The following FTCDNL1 variants were observed in gnomAD, a reference collection of about 807,000 sequenced individuals.
FTCDNL1 encodes formiminotransferase N-terminal subdomain-containing protein.
In FTCDNL1, 11 loss-of-function variants were observed where a neutral mutation model predicts 5.9. The ratio of observed to expected loss-of-function variants is 1.87; its 90% CI spans 1.18 to 3.10. The LOEUF is 3.10. Among genes scored for constraint, FTCDNL1 ranks in the 30% most tolerant of loss-of-function variants. The pLI is 0.00. For synonymous variants in FTCDNL1, 58 were observed against 24.8 expected (o/e 2.34, Z -3.99); for missense variants, 115 against 65.5 (o/e 1.76, Z -2.61).
rs1568746 is a variant in FTCDNL1, at chr2:199,809,434, G to A, written c.*3271C>T. Among the ~76,000 whole-genome samples the A allele has an allele frequency of 1.3e-4, 20 of 151,656 alleles. No individual in the cohort carries two copies. Among genetic ancestry groups the A allele is most frequent in the Admixed American group, 8.5e-4 (13 of 15,224 alleles). On this transcript the variant is annotated 3_prime_UTR_variant, in exon 5 of 5. Transcript: ENST00000420128. ...TCCTTAAAATAAATTCACATTTTGC[G>A]CTCTTATTAAAGAAGATCACAGTCT...
At chr2:199,817,427 G>A (rs578036787) in intron 4 of FTCDNL1, among the ~76,000 whole-genome samples, 4 of 152,266 alleles carry the variant, frequency 2.6e-5, no homozygotes, top group Non-Finnish European at 4.4e-5. Context: ...GTTTTAACGT[G>A]GGATTTGCAG....
chr2:199,831,247 C>A (rs868730720), intron 3 of FTCDNL1, among the ~76,000 whole-genome samples: 1 of 152,148 alleles, frequency 6.6e-6, no homozygotes, highest in South Asian at 2.1e-4. Context: ...AGGATAAGCA[C>A]TTAATTGATT....
At chr2:199,683,206 G>A in the FTCDNL1 span, among the ~76,000 whole-genome samples, 5 of 151,988 alleles carry the variant, frequency 3.3e-5, no homozygotes, top group Non-Finnish European at 5.9e-5. Context: ...CAGCAATAGC[G>A]AGCCATTCCA....
chr2:199,847,081 C>T (rs909549955), intron 2 of FTCDNL1, among the ~76,000 whole-genome samples: 49 of 152,232 alleles, frequency 3.2e-4, no homozygotes, highest in African/African-American at 1.2e-3. Context: ...AGAAGATAAA[C>T]ATATGTCACT....
chr2:199,806,638 C>T (rs187320538), downstream of FTCDNL1, among the ~76,000 whole-genome samples: 167 of 152,220 alleles, frequency 1.1e-3, no homozygotes, highest in Non-Finnish European at 1.9e-3. Flanking sequence ...AAAATATTAC[C>T]TCCCTTTTGT....
chr2:199,731,654 C>T, the FTCDNL1 span, among the ~76,000 whole-genome samples: 3 of 152,046 alleles, frequency 2.0e-5, no homozygotes, highest in Non-Finnish European at 4.4e-5. Flanking sequence ...TTTGGGAGGC[C>T]GAGGCGGGCG....
chr2:199,699,421 T>C, the FTCDNL1 span, among the ~76,000 whole-genome samples: 1 of 151,888 alleles, frequency 6.6e-6, no homozygotes, highest in Non-Finnish European at 1.5e-5. Context: ...ACCACTGCAC[T>C]CCAGCGTGGG....
chr2:199,731,319 C>T, the FTCDNL1 span, among the ~76,000 whole-genome samples: 1 of 152,114 alleles, frequency 6.6e-6, no homozygotes, highest in African/African-American at 2.4e-5. Context: ...ATGTAACAAA[C>T]CTGTACATTC....
chr2:199,719,622 G>GT, the FTCDNL1 span, among the ~76,000 whole-genome samples: 5 of 145,652 alleles, frequency 3.4e-5, no homozygotes, highest in Non-Finnish European at 7.5e-5. Flanking sequence ...TAGTATGTTT[G>GT]TTTTTTTGTT....
At chr2:199,841,705 C>A (rs769964) in intron 3 of FTCDNL1, among the ~76,000 whole-genome samples, 5 of 152,080 alleles carry the variant, frequency 3.3e-5, no homozygotes, top group Admixed American at 3.3e-4. Context: ...CTTTCTTCTG[C>A]CATTTTAAGT....
chr2:199,736,521 T>C, the FTCDNL1 span, among the ~76,000 whole-genome samples: 2 of 152,314 alleles, frequency 1.3e-5, no homozygotes, highest in African/African-American at 4.8e-5. Flanking sequence ...CCCTTAAAGG[T>C]AGAAATAACA....
the FTCDNL1 span, among the ~76,000 whole-genome samples, chr2:199,733,363 A>G: frequency 0.28 from 42,240 of 152,150 alleles, 7,500 homozygotes; most frequent in African/African-American, 0.49. Flanking sequence ...GACAGAGGCT[A>G]GTAATGGTGC....
the FTCDNL1 span, among the ~76,000 whole-genome samples, chr2:199,697,041 G>C: frequency 6.6e-6 from 1 of 152,304 alleles, no homozygotes; most frequent in East Asian, 1.9e-4. Context: ...GGGAGGCCAA[G>C]GCGGGTGGAT....
In FTCDNL1 at chr2:199,812,134, T is replaced by C. The variant is rs1344164632; in HGVS notation, c.*571A>G. On this transcript the variant is annotated 3_prime_UTR_variant, in exon 5 of 5. Coordinates refer to ENST00000420128, the MANE Select transcript of FTCDNL1 (RefSeq NM_001363886.2). ...GCTTTAGTTACACAATATTTTTGTT[T>C]TATTACTATTTCTTATTCAAGTAGT... 3.9e-5 allele frequency among the ~76,000 whole-genome samples: 6 copies of C among 152,228 alleles called. No homozygotes were observed. Among genetic ancestry groups the C allele is most frequent in the Non-Finnish European group, 7.3e-5 (5 of 68,042 alleles).
chr2:199,825,869 C>A (rs975940232), intron 3 of FTCDNL1, among the ~76,000 whole-genome samples: 5 of 152,280 alleles, frequency 3.3e-5, no homozygotes, highest in African/African-American at 1.2e-4. Context: ...GCTAAATTCT[C>A]CCCTCAAATC....
At chr2:199,740,058 A>C in the FTCDNL1 span, among the ~76,000 whole-genome samples, 1 of 152,156 alleles carries the variant, frequency 6.6e-6, no homozygotes, top group African/African-American at 2.4e-5. Flanking sequence ...GAAAACAACC[A>C]CTGTTTAAAG....
At chr2:199,849,055 A>C (rs1207991783) in intron 1 of FTCDNL1, 86 bp from the exon 2 acceptor site, 2 of 647,018 alleles carry the variant, frequency 3.1e-6, no homozygotes, top group East Asian at 5.4e-5. Context: ...AACTTTTTGG[A>C]AACGAAGCAG....
the FTCDNL1 span, among the ~76,000 whole-genome samples, chr2:199,697,325 T>C: frequency 6.6e-6 from 1 of 151,716 alleles, no homozygotes; most frequent in South Asian, 2.1e-4. Context: ...AGACACATAG[T>C]GATCAGATTT....
downstream of FTCDNL1, among the ~76,000 whole-genome samples, chr2:199,805,468 G>A (rs913213102): frequency 2.0e-5 from 3 of 152,190 alleles, no homozygotes; most frequent in Non-Finnish European, 4.4e-5. Context: ...GCTGGGCGCA[G>A]TAGCTCATAC....
Sources: gnomAD v4.1 joint callset for allele counts (sites outside exome capture counted in the v4.1 genomes callset) on GRCh38, gnomAD v4.1.1 for gene constraint, MANE v1.5 for transcripts, NCBI Gene and HGNC (gene_info 2026-07-23, HGNC 2026-07-21) for gene names.